Variants in COL27A1 observed in about 807,000 individuals in gnomAD.
The protein encoded by COL27A1 is collagen type XXVII alpha 1 chain.
COL27A1 carries 106 observed loss-of-function variants against 251.3 expected under a neutral mutation model. The ratio of observed to expected loss-of-function variants is 0.42; its 90% CI spans 0.36 to 0.50. COL27A1 has a LOEUF of 0.50. Among genes scored for constraint, COL27A1 ranks in the 20% least tolerant of loss-of-function variants. The pLI is 0.00. For synonymous variants in COL27A1, 1,000 were observed against 986.3 expected (o/e 1.01, Z -0.26); for missense variants, 2,325 against 2,522.8 (o/e 0.92, Z 1.68).
intron 13 of COL27A1, among the ~76,000 whole-genome samples, chr9:114,221,477 G>A (rs1831108077): frequency 6.6e-6 from 1 of 152,186 alleles, no homozygotes; most frequent in South Asian, 2.1e-4. Flanking sequence ...TGAAGTGAAG[G>A]CTGTTGCTTA....
At chr9:114,225,732 A>G (rs906064105) in intron 14 of COL27A1, among the ~76,000 whole-genome samples, 2 of 152,248 alleles carry the variant, frequency 1.3e-5, no homozygotes, top group African/African-American at 4.8e-5. Flanking sequence ...TGGAAATTCA[A>G]ATTTATTCAA....
chr9:114,165,007 A>G (rs189023291), intron 2 of COL27A1, among the ~76,000 whole-genome samples: 10 of 152,336 alleles, frequency 6.6e-5, no homozygotes, highest in South Asian at 2.1e-4. Context: ...TCTTACAGGC[A>G]GGGAATTGAG....
intron 5 of COL27A1, among the ~76,000 whole-genome samples, chr9:114,191,971 TG>T (rs1478140408): frequency 2.0e-5 from 3 of 152,198 alleles, no homozygotes; most frequent in African/African-American, 7.2e-5. Flanking sequence ...ATCATGGACA[TG>T]AGTGTGTCTG....
chr9:114,234,678 C>CA (rs1554810185), intron 16 of COL27A1, among the ~76,000 whole-genome samples: 3 of 152,180 alleles, frequency 2.0e-5, no homozygotes, highest in Non-Finnish European at 2.9e-5. Context: ...TGTTAGAAGA[C>CA]AAACACCCAG....
chr9:114,289,146 A>AACCCC, intron 44 of COL27A1, 96 bp from the exon 45 acceptor site: 6 of 1,126,988 alleles, frequency 5.3e-6, no homozygotes, highest in Non-Finnish European at 7.7e-6. Flanking sequence ...GCACCCCCAA[A>AACCCC]CCCCTCCCCA....
rs988919563 is a variant in COL27A1, at chr9:114,231,749, G to A, written c.2521-73G>A. On this transcript the variant is annotated intron_variant, in intron 15 of 60. Coordinates refer to ENST00000356083, the MANE Select transcript of COL27A1 (RefSeq NM_032888.4). ...CTAGCACGGGGTCTTGCAGCAAGTC[G>A]TGTTTAAGCCAGGGCTCCTGACTTC... 51 of 1,487,746 alleles carry A rather than the reference G, an allele frequency of 3.4e-5. No individual in the cohort carries two copies. The East Asian group carries it at 5.2e-4, about 15-fold the overall frequency. The allele number at this position is 1,487,746 out of a possible 1,614,324, so 92.2% of individuals were successfully genotyped here. A position where few individuals can be genotyped will look rare whatever the true frequency, so the allele number is the denominator to read the frequency against.
Position 114,239,923 on chromosome 9 carries a change from G to C in COL27A1, c.2728-297G>C, listed in dbSNP as rs1407364435. Among the ~76,000 whole-genome samples, 5 of 152,198 alleles carry C rather than the reference G, an allele frequency of 3.3e-5. No homozygotes were observed. The East Asian group carries it at 9.6e-4, about 29-fold the overall frequency. On this transcript the variant is annotated intron_variant, in intron 19 of 60. Transcript: ENST00000356083. ...CCCAGACACCCATAATTCTGACCCA[G>C]TAGCAGCACCGGATTTGAGAAATAA...
intron 58 of COL27A1, chr9:114,307,007 C>T: frequency 3.2e-6 from 1 of 311,836 alleles, no homozygotes; most frequent in South Asian, 3.5e-5. Context: ...AGCATGAGGA[C>T]TCTGCTCTCT....
At chr9:114,304,380 G>A (rs531937093) in intron 56 of COL27A1, among the ~76,000 whole-genome samples, 221 of 152,344 alleles carry the variant, frequency 1.5e-3, no homozygotes, top group African/African-American at 5.1e-3. Flanking sequence ...ACCATGTTGA[G>A]GAGTCTGAAC....
chr9:114,217,125 A>G (rs1419226229), intron 12 of COL27A1, among the ~76,000 whole-genome samples: 1 of 152,176 alleles, frequency 6.6e-6, no homozygotes, highest in East Asian at 1.9e-4. Context: ...TACTGTTGCT[A>G]TGATTGTTTC....
chr9:114,297,910 C>G (rs568731495), intron 49 of COL27A1, among the ~76,000 whole-genome samples: 1 of 152,078 alleles, frequency 6.6e-6, no homozygotes, highest in East Asian at 1.9e-4. Context: ...AATTATATGT[C>G]TATACACTAG....
At chr9:114,173,415 C>T (rs1394675779) in intron 3 of COL27A1, among the ~76,000 whole-genome samples, 3 of 152,220 alleles carry the variant, frequency 2.0e-5, no homozygotes, top group Admixed American at 6.5e-5. Context: ...AGGCGGGGTT[C>T]CTTGAGGTTA....
chr9:114,230,896 A>C (rs1039609948), intron 14 of COL27A1, among the ~76,000 whole-genome samples, 183 bp from the exon 15 acceptor site: 1 of 152,186 alleles, frequency 6.6e-6, no homozygotes, highest in African/African-American at 2.4e-5. Flanking sequence ...ATCTTTATGA[A>C]GTTTATTCCA....
chr9:114,269,545 T>C (rs11792627), intron 35 of COL27A1, among the ~76,000 whole-genome samples: 1 of 140,068 alleles, frequency 7.1e-6, no homozygotes, highest in Non-Finnish European at 1.5e-5. Context: ...GACCCAGGAG[T>C]TGGAGGTTGT....
Position 114,219,809 on chromosome 9 carries a change from G to C in COL27A1, c.2386G>C (p.Gly796Arg). 1 of 1,611,068 alleles carries C rather than the reference G, an allele frequency of 6.2e-7. No individual in the cohort carries two copies. Among genetic ancestry groups the C allele is most frequent in the Non-Finnish European group, 8.5e-7 (1 of 1,177,366 alleles). Residue 796 changes from glycine (G) to arginine (R), a missense_variant, in exon 13 of 61, where the codon GGG becomes CGG. Transcript: ENST00000356083. ...CCTCCAGGGGTTTCCTGGAGTCTTT[G>C]GGGAAAGAGGCCCTCCTGGACTGGA... The part of the protein sequence containing the change: ...MGMPGFPGVF[G>R]ERGPPGLDGN...
chr9:114,283,570 T>C, intron 39 of COL27A1, 139 bp from the exon 40 acceptor site: 1 of 714,608 alleles, frequency 1.4e-6, no homozygotes, highest in East Asian at 2.6e-5. Context: ...GCTTTCCGCC[T>C]TGTTCACACA....
chr9:114,270,947 C>G (rs1668663750), intron 36 of COL27A1, 166 bp downstream of exon 36: 1 of 614,304 alleles, frequency 1.6e-6, no homozygotes, highest in Non-Finnish European at 2.9e-6. Context: ...TGTCCAGCAG[C>G]CACCTCCCAC....
intron 14 of COL27A1, among the ~76,000 whole-genome samples, chr9:114,223,886 T>C (rs1331635712): frequency 6.6e-6 from 1 of 152,246 alleles, no homozygotes; most frequent in African/African-American, 2.4e-5. Context: ...CTAGTTATGA[T>C]AATAATAGCT....
At chr9:114,229,401 C>T (rs1401125116) in intron 14 of COL27A1, among the ~76,000 whole-genome samples, 2 of 152,208 alleles carry the variant, frequency 1.3e-5, no homozygotes, top group African/African-American at 4.8e-5. Flanking sequence ...CTTGGCCCTT[C>T]CTCCAGGAGC....
Sources: allele counts gnomAD v4.1 joint callset (sites outside exome capture counted in the v4.1 genomes callset), GRCh38; gene constraint gnomAD v4.1.1; transcripts MANE v1.5; gene names NCBI Gene and HGNC (gene_info 2026-07-23, HGNC 2026-07-21).